The following ERC2 variants were observed in gnomAD, a reference collection of about 807,000 sequenced individuals.
ERC2 encodes the protein ERC protein 2.
ERC2 carries 42 observed loss-of-function variants against 114.8 expected under a neutral mutation model. That is an observed-to-expected ratio of 0.37 (90% CI 0.29 to 0.47). The LOEUF (loss-of-function observed/expected upper bound fraction) is 0.47. Ranked by LOEUF, ERC2 falls within the 20% of genes least tolerant of loss-of-function variation. The pLI is 0.99. For synonymous variants in ERC2, 454 were observed against 425.5 expected, an observed-to-expected ratio of 1.07 and a Z score of -0.82; for missense variants, 939 against 1,150.7, an observed-to-expected ratio of 0.82 and a Z score of 2.66.
At chr3:55,545,220 T>C (rs2054661561) in intron 17 of ERC2, among the ~76,000 whole-genome samples, 1 of 152,230 alleles carries the variant, frequency 6.6e-6, no homozygotes, top group African/African-American at 2.4e-5. Context: ...ATTCTTGCCA[T>C]AGTTTGCTAA....
chr3:56,189,825 C>CA (rs1386843110), intron 3 of ERC2, among the ~76,000 whole-genome samples: 1 of 152,182 alleles, frequency 6.6e-6, no homozygotes, highest in Non-Finnish European at 1.5e-5. Context: ...TCCACCTGCT[C>CA]AAAAACCTCA....
At chr3:56,356,494 G>A (rs778229194) in intron 2 of ERC2, among the ~76,000 whole-genome samples, 3 of 152,128 alleles carry the variant, frequency 2.0e-5, no homozygotes, top group Admixed American at 6.6e-5. Context: ...ATACCCTGTC[G>A]TTCATTCATT....
At position 56,100,331 on chromosome 3, in the gene ERC2, T is replaced by C. The variant is rs151286146; in HGVS notation, c.1474-19347A>G. ...TCCTGCCAAAAACCCAACACCTTTA[T>C]CAAAAAGCATATCCCTTTACCAATG... On this transcript the variant is annotated intron_variant, in intron 6 of 17. Transcript: ENST00000288221. Among the ~76,000 whole-genome samples, 640 of 152,200 alleles carry C rather than the reference T, an allele frequency of 4.2e-3. 12 individuals carry two copies. The highest frequency in any genetic ancestry group is 0.015 in the African/African-American group (614 of 41,520).
chr3:55,828,935 C>T (rs891785690), intron 14 of ERC2, among the ~76,000 whole-genome samples: 14 of 152,090 alleles, frequency 9.2e-5, no homozygotes, highest in African/African-American at 3.4e-4. Flanking sequence ...GCCAAGAATT[C>T]CAGACCAGCT....
Position 56,434,718 on chromosome 3 carries a change from G to A in ERC2, c.290C>T (p.Ala97Val). The A allele has an allele frequency of 4.3e-6, 7 of 1,613,990 alleles. No homozygotes were observed. The highest frequency in any genetic ancestry group is 5.9e-6 in the Non-Finnish European group (7 of 1,179,896). ...AGCAATATTGGGACTACTCCCCATG[G>A]CTGTGACACGGCCTCCATATACAGC... ...NRAVYGGRVT[A>V]MGSSPNIASA... Residue 97 changes from alanine (A) to valine (V), a missense_variant, in exon 2 of 18, where the codon GCC becomes GTC. Ala to Val is a moderately conservative substitution (Grantham distance 64). Around this residue, in one of 5 missense-constraint regions of ERC2, gnomAD observed 281 missense variants for 307.4 expected, o/e 0.91. Coordinates refer to ENST00000288221, the MANE Select transcript of ERC2 (RefSeq NM_015576.3).
At chr3:56,338,363 T>C (rs1352549575) in intron 2 of ERC2, among the ~76,000 whole-genome samples, 1 of 152,212 alleles carries the variant, frequency 6.6e-6, no homozygotes, top group Non-Finnish European at 1.5e-5. Context: ...AGGCCCTCTT[T>C]TCAGGAACGT....
In ERC2 at chr3:56,276,012, G is replaced by A. The variant is rs562046826; in HGVS notation, c.1074+20007C>T. On this transcript the variant is annotated intron_variant, in intron 3 of 17. Coordinates refer to ENST00000288221, the MANE Select transcript of ERC2 (RefSeq NM_015576.3). ...GTTCATTTAGACTTCTTTCAAAGCC[G>A]CTGTAGATTTGCAAACTTGCACTGG... Among the ~76,000 whole-genome samples the A allele has an allele frequency of 4.5e-4, 69 of 152,272 alleles. No individual in the cohort carries two copies. The South Asian group carries it at 0.014, about 31-fold the overall frequency.
At chr3:56,209,345 G>T (rs2048925146) in intron 3 of ERC2, among the ~76,000 whole-genome samples, 1 of 152,028 alleles carries the variant, frequency 6.6e-6, no homozygotes, top group African/African-American at 2.4e-5. Flanking sequence ...AGACTAGACT[G>T]CCCTCTCCTA....
At chr3:56,184,399 T>A (rs2083466446) in intron 3 of ERC2, among the ~76,000 whole-genome samples, 1 of 152,192 alleles carries the variant, frequency 6.6e-6, no homozygotes, top group Non-Finnish European at 1.5e-5. Flanking sequence ...AAAGGGAATA[T>A]ATTTCCTGGA....
Position 55,936,595 on chromosome 3 carries a change from G to C in ERC2, c.2403+13830C>G, listed in dbSNP as rs181845276. On this transcript the variant is annotated intron_variant, in intron 13 of 17. Transcript: ENST00000288221. The stretch of plus-strand genomic sequence containing the variant: ...GCAGCAGAAACCTACATGAAATGAA[G>C]AAGTAACTCACACACATACCTGAAG... 6.6e-5 allele frequency among the ~76,000 whole-genome samples: 10 copies of C among 152,306 alleles called. No homozygotes were observed. In the East Asian group the frequency reaches 1.9e-3, roughly 30 times the overall value.
intron 17 of ERC2, among the ~76,000 whole-genome samples, chr3:55,545,520 G>A (rs547504822): frequency 6.6e-6 from 1 of 152,306 alleles, no homozygotes; most frequent in African/African-American, 2.4e-5. Flanking sequence ...ATTGTAAATG[G>A]GGAAGAGTTG....
At chr3:55,950,679 A>G (rs762358926) in intron 12 of ERC2, 119 bp from the exon 13 acceptor site, 2 of 1,051,132 alleles carry the variant, frequency 1.9e-6, no homozygotes, top group Non-Finnish European at 2.8e-6. Context: ...GAAAAAGATG[A>G]TACTTCTGAA....
intron 13 of ERC2, among the ~76,000 whole-genome samples, chr3:55,946,096 A>T (rs113425494): frequency 5.8e-4 from 85 of 145,768 alleles, no homozygotes; most frequent in Admixed American, 8.9e-4. Flanking sequence ...ATAAAAAAAT[A>T]AAAAAAAAAG....
At chr3:55,728,261 A>C (rs1353236111) in intron 15 of ERC2, among the ~76,000 whole-genome samples, 1 of 152,350 alleles carries the variant, frequency 6.6e-6, no homozygotes, top group East Asian at 1.9e-4. Context: ...TATGGAGCTC[A>C]AAAACTAGCA....
chr3:55,832,960 T>C (rs535963735), intron 14 of ERC2, among the ~76,000 whole-genome samples: 1 of 151,640 alleles, frequency 6.6e-6, no homozygotes, highest in Non-Finnish European at 1.5e-5. Context: ...ACATGAAGAA[T>C]GTAAAGGCCT....
At chr3:56,109,041 G>C (rs9871223) in intron 6 of ERC2, among the ~76,000 whole-genome samples, 4 of 151,778 alleles carry the variant, frequency 2.6e-5, no homozygotes, top group Non-Finnish European at 5.9e-5. Context: ...TTTTAGATTC[G>C]AGGATACATG....
chr3:56,468,465 C>A lies in ERC2; in HGVS notation c.-358G>T, dbSNP rs2063655953. On this transcript the variant is annotated 5_prime_UTR_variant, in exon 1 of 18. Coordinates refer to ENST00000288221, the MANE Select transcript of ERC2 (RefSeq NM_015576.3). ...CACTGCTCGGAGGGCCAGGGCCAGG[C>A]GCGGGGCCGGGCGGGGCCGGCGGCC... 6.7e-6 allele frequency: 1 copy of A among 150,186 alleles called. No individual in the cohort carries two copies. Among genetic ancestry groups the A allele is most frequent in the African/African-American group, 2.4e-5 (1 of 41,200 alleles). The allele number at this position is 150,186 out of a possible 1,614,324, so 9.3% of individuals were successfully genotyped here. A position where few individuals can be genotyped will look rare whatever the true frequency, so the allele number is the denominator to read the frequency against.
intron 6 of ERC2, among the ~76,000 whole-genome samples, chr3:56,122,340 T>G (rs1560209262): frequency 1.3e-5 from 2 of 152,114 alleles, no homozygotes; most frequent in Admixed American, 1.3e-4. Flanking sequence ...TTAAATAATC[T>G]GAAGAATACA....
rs1218650996 is a variant in ERC2, at chr3:56,080,888, C to A, written c.1570G>T (p.Ala524Ser). Residue 524 changes from alanine (A) to serine (S), a missense_variant, in exon 7 of 18, where the codon GCC (alanine) becomes TCC (serine). Physicochemically the swap from Ala to Ser is moderately conservative, Grantham distance 99. Around this residue, in one of 5 missense-constraint regions of ERC2, gnomAD observed 149 missense variants for 254.6 expected, o/e 0.59. Transcript: ENST00000288221. ...TCTTTCATGTCACGAATTTCACCGG[C>A]CAGTGTCCCCTTCTCTTCTGTGAGG... ...QDLTEEKGTL[A>S]GEIRDMKDML... 6.2e-7 allele frequency: 1 copy of A among 1,613,778 alleles called. No individual in the cohort carries two copies. The highest frequency in any genetic ancestry group is 1.1e-5 in the South Asian group (1 of 91,070).
Sources: gnomAD v4.1 joint callset for allele counts (sites outside exome capture counted in the v4.1 genomes callset) on GRCh38, gnomAD v4.1.1 for gene constraint, gnomAD v4.1.1 regional missense constraint, MANE v1.5 for transcripts, NCBI Gene and HGNC (gene_info 2026-07-23, HGNC 2026-07-21) for gene names.